Variants in CMTM1 observed in about 807,000 individuals in gnomAD.
CMTM1 encodes CKLF like MARVEL transmembrane domain containing 1.
Under a neutral mutation model 17.8 loss-of-function variants are expected in CMTM1, and 16 were observed. The observed-to-expected ratio is 0.90, with a 90% CI of 0.61 to 1.37. The LOEUF is 1.37. CMTM1 is among the 40% of genes most tolerant of loss of function. The pLI is 0.00. For synonymous variants in CMTM1, 169 were observed against 154.6 expected (o/e 1.09, Z -0.69); for missense variants, 354 against 375.6 (o/e 0.94, Z 0.47).
chr16:66,567,156 T>A (rs750064197), intron 1 of CMTM1: 1 of 362,852 alleles, frequency 2.8e-6, no homozygotes, highest in East Asian at 5.2e-5. Context: ...TATTTTTTCT[T>A]TTTTTTTTTT....
chr16:66,576,928 C>T (rs2014318981), intron 2 of CMTM1, among the ~76,000 whole-genome samples, 176 bp from the exon 3 acceptor site: 1 of 152,192 alleles, frequency 6.6e-6, no homozygotes, highest in South Asian at 2.1e-4. Context: ...CTTAAAACCA[C>T]ATAAACTCAT....
At chr16:66,570,195 A>G in intron 2 of CMTM1, 101 bp downstream of exon 2, 1 of 947,952 alleles carries the variant, frequency 1.1e-6, no homozygotes, top group Non-Finnish European at 1.6e-6. Flanking sequence ...CTCTCTAGAC[A>G]AGGACATAGC....
intron 1 of CMTM1, chr16:66,567,479 C>A (rs891836679): frequency 2.0e-5 from 4 of 202,742 alleles, no homozygotes; most frequent in Non-Finnish European, 4.1e-5. Context: ...CCGCAAAGGA[C>A]ATGAACTCAT....
chr16:66,578,431 G>C (rs754866847), intron 3 of CMTM1, among the ~76,000 whole-genome samples: 44 of 152,268 alleles, frequency 2.9e-4, no homozygotes, highest in Non-Finnish European at 4.7e-4. Flanking sequence ...AGAGACCCTA[G>C]TCCAGTGCCT....
intron 2 of CMTM1, among the ~76,000 whole-genome samples, chr16:66,574,288 C>T (rs1417767949): frequency 6.6e-6 from 1 of 152,178 alleles, no homozygotes; most frequent in Non-Finnish European, 1.5e-5. Flanking sequence ...TTTAACACAG[C>T]CATCAGGGAT....
Position 66,566,988 on chromosome 16 carries a change from G to T in CMTM1, c.432+43G>T, listed in dbSNP as rs181552082. The T allele has an allele frequency of 3.7e-6, 6 of 1,605,624 alleles. No homozygotes were observed. In the Admixed American group the frequency reaches 5.0e-5, roughly 13 times the overall value. On this transcript the variant is annotated intron_variant, in intron 1 of 3. Transcript: ENST00000379500. The surrounding 1 kb of genome is among the most constrained non-coding windows in gnomAD (Gnocchi z 4.9). ...GAGACCTAGCTGGGCGGATGTGGCC[G>T]GCAGTGGCCTCGGGGAAATGCCCAC...
chr16:66,578,107 G>A, intron 3 of CMTM1, among the ~76,000 whole-genome samples: 1 of 152,134 alleles, frequency 6.6e-6, no homozygotes, highest in East Asian at 1.9e-4. Flanking sequence ...AAGAGTCCCG[G>A]AGTGCACAGG....
At position 66,578,775 on chromosome 16, in the gene CMTM1, C is replaced by T. The variant is rs1277605026; in HGVS notation, c.691-56C>T. The T allele has an allele frequency of 5.6e-6, 9 of 1,594,270 alleles. No individual in the cohort carries two copies. The Admixed American group carries it at 1.2e-4, about 21-fold the overall frequency. On this transcript the variant is annotated intron_variant, in intron 3 of 3. Transcript: ENST00000379500. ...TAGGGATAGGTTCGAGAGGTTGCTA[C>T]TGAGCTGCAAAATAACCCCGTCTTT... is the stretch of plus-strand genomic sequence containing the variant.
intron 2 of CMTM1, chr16:66,575,278 G>A: frequency 3.4e-6 from 3 of 894,546 alleles, no homozygotes; most frequent in Non-Finnish European, 4.0e-6. Context: ...GCTACTAGAT[G>A]CCAGGCATGT....
Position 66,566,903 on chromosome 16 carries a change from T to C in CMTM1, c.390T>C (p.Arg130=). Residue 130 remains arginine (R), a synonymous_variant, in exon 1 of 4, where the codon CGT becomes CGC. Transcript: ENST00000379500. The surrounding 1 kb of genome is among the most constrained non-coding windows in gnomAD (Gnocchi z 4.9). ...ACAAATTCAGGGACAGCCTCAAACG[T>C]TTCTCCTTCTCGCCCACTGGAATGT... ...VPYKFRDSLK[R]FSFSPTGMLK... is the part of the protein sequence containing the mutation. 1 of 1,613,988 alleles carries C rather than the reference T, an allele frequency of 6.2e-7. No homozygotes were observed. The highest frequency in any genetic ancestry group is 8.5e-7 in the Non-Finnish European group (1 of 1,179,998).
chr16:66,566,824 TC>T lies in CMTM1; in HGVS notation c.312del (p.Leu105Ter), dbSNP rs766021565. On this transcript the variant is annotated frameshift_variant, in exon 1 of 4. Coordinates refer to ENST00000379500, the MANE Select transcript of CMTM1 (RefSeq NM_052999.4). LOFTEE classifies it high-confidence loss of function. This position sits in a 1 kb window ranked among gnomAD's most constrained non-coding sequence, Gnocchi z 4.9. ...CCCTCTGCACACACTGAATCCAAACTCTTAAATGAGATGGCGATCAAAGAGC... is the reference window on the plus strand; with the variant it reads ...CCCTCTGCACACACTGAATCCAAACTTTAAATGAGATGGCGATCAAAGAGC... ...PTPSAHTESKLLNEMAIKERV... is the reference protein window; with the variant it reads ...PTPSAHTESKXLNEMAIKERV... 4.3e-6 allele frequency: 7 copies of T among 1,611,606 alleles called. No homozygotes were observed. In the Admixed American group the frequency reaches 6.8e-5, roughly 16 times the overall value.
At chr16:66,570,131 T>C in intron 2 of CMTM1, 37 bp downstream of exon 2, 1 of 1,536,136 alleles carries the variant, frequency 6.5e-7, no homozygotes, top group East Asian at 2.3e-5. Context: ...AAATCCAAGC[T>C]TTGCCCTCAG....
Position 66,566,604 on chromosome 16 carries a change from G to C in CMTM1, c.91G>C (p.Gly31Arg). 6.2e-7 allele frequency: 1 copy of C among 1,613,996 alleles called. No homozygotes were observed. The highest frequency in any genetic ancestry group is 1.3e-5 in the African/African-American group (1 of 75,004). The change falls in exon 1 of 4, where the codon GGC (glycine) becomes CGC (arginine). Residue 31 changes from glycine (G) to arginine (R), a missense_variant. Physicochemically the swap from Gly to Arg is moderately radical, Grantham distance 125. Coordinates refer to ENST00000379500, the MANE Select transcript of CMTM1 (RefSeq NM_052999.4). The surrounding 1 kb of genome is among the most constrained non-coding windows in gnomAD (Gnocchi z 4.9). Reference sequence around the variant, plus strand: ...GACTGCCGCAGCCCTGGCAAGTAGCGGCAGCGTAGTGAGTTCTGTACCCAA... The same window carrying C: ...GACTGCCGCAGCCCTGGCAAGTAGCCGCAGCGTAGTGAGTTCTGTACCCAA... ...PETAAALASS[G>R]SVVSSVPKAQ...
chr16:66,569,940 T>C lies in CMTM1; in HGVS notation c.437T>C (p.Leu146Pro), dbSNP rs1490479933. The C allele has an allele frequency of 6.3e-7, 1 of 1,594,442 alleles. No individual in the cohort carries two copies. ...ATCCTGTTTCTTTTATTGCAGAGTC[T>C]TATCTTAGGAGCATTAGCTTGTTTC... ...TGMLKILRLS[L>P]ILGALACFII... The change falls in exon 2 of 4, where the codon CTT becomes CCT. Residue 146 changes from leucine (L) to proline (P), a missense_variant. Physicochemically the swap from Leu to Pro is moderately conservative, Grantham distance 98. Transcript: ENST00000379500.
intron 3 of CMTM1, 75 bp downstream of exon 3, chr16:66,577,277 T>C (rs1441873121): frequency 1.6e-6 from 2 of 1,243,634 alleles, no homozygotes; most frequent in Non-Finnish European, 2.3e-6. Flanking sequence ...GCAGACCCCA[T>C]TATATCATTA....
At chr16:66,575,155 G>A (rs1293158808) in intron 2 of CMTM1, 2 of 985,214 alleles carry the variant, frequency 2.0e-6, no homozygotes, top group African/African-American at 3.5e-5. Flanking sequence ...TCCACAAGAG[G>A]GCTCCTCGGT....
At chr16:66,567,377 ACT>A (rs1418940644) in intron 1 of CMTM1, 1 of 275,174 alleles carries the variant, frequency 3.6e-6, no homozygotes, top group African/African-American at 2.3e-5. Flanking sequence ...TCGTTGTTCA[ACT>A]CTCACTTATG....
At position 66,566,860 on chromosome 16, in the gene CMTM1, G is replaced by A. The variant is rs145485908; in HGVS notation, c.347G>A (p.Gly116Asp). 11 of 1,612,284 alleles carry A rather than the reference G, an allele frequency of 6.8e-6. No individual in the cohort carries two copies. Among genetic ancestry groups the A allele is most frequent in the Non-Finnish European group, 8.5e-6 (10 of 1,179,994 alleles). Residue 116 changes from glycine (G) to aspartate (D), a missense_variant, in exon 1 of 4, where the codon GGC (glycine) becomes GAC (aspartate). Coordinates refer to ENST00000379500, the MANE Select transcript of CMTM1 (RefSeq NM_052999.4). The surrounding 1 kb of genome is among the most constrained non-coding windows in gnomAD (Gnocchi z 4.9). ...ATGGCGATCAAAGAGCGCGTGGAGGGCCGAGCCAAAGTCCCGTACAAATTC... is the reference window on the plus strand; with the variant it reads ...ATGGCGATCAAAGAGCGCGTGGAGGACCGAGCCAAAGTCCCGTACAAATTC... Reference protein sequence around the residue: ...NEMAIKERVEGRAKVPYKFRD... With the variant: ...NEMAIKERVEDRAKVPYKFRD...
In CMTM1 at chr16:66,567,133, C is replaced by T. The variant is rs572620924; in HGVS notation, c.432+188C>T. ...ACTAAACCTTTCCTACTAAACTTGC[C>T]TCTTTTTTTCCCTATTTTTTCTTTT... On this transcript the variant is annotated intron_variant, in intron 1 of 3. Coordinates refer to ENST00000379500, the MANE Select transcript of CMTM1 (RefSeq NM_052999.4). 650 of 666,202 alleles carry T rather than the reference C, an allele frequency of 9.8e-4. 3 individuals carry two copies. Among genetic ancestry groups the T allele is most frequent in the Non-Finnish European group, 1.4e-3 (553 of 382,042 alleles). The allele number at this position is 666,202 out of a possible 1,614,324, so 41.3% of individuals were successfully genotyped here.
Sources: gnomAD v4.1 joint callset for allele counts (sites outside exome capture counted in the v4.1 genomes callset) on GRCh38, gnomAD v4.1.1 for gene constraint, Gnocchi (gnomAD v3.1) non-coding constraint, MANE v1.5 for transcripts, NCBI Gene and HGNC (gene_info 2026-07-23, HGNC 2026-07-21) for gene names.